Variants in EGLN1 observed in about 807,000 individuals in gnomAD.
The protein encoded by EGLN1 is egl-9 family hypoxia inducible factor 1, also known as egl nine homolog 1.
EGLN1 carries 17 observed loss-of-function variants against 38.3 expected under a neutral mutation model. The ratio of observed to expected loss-of-function variants is 0.44; its 90% confidence interval spans 0.30 to 0.67. The LOEUF is 0.67. EGLN1 is among the 30% of genes least tolerant of loss of function. The pLI, the probability that EGLN1 is intolerant of heterozygous loss-of-function variation, is 0.08. For synonymous variants in EGLN1, 283 were observed against 257.5 expected (o/e 1.10, Z -0.95); for missense variants, 477 against 603.3 (o/e 0.79, Z 2.19).
At chr1:231,380,133 G>A (rs203747) in intron 1 of EGLN1, among the ~76,000 whole-genome samples, 1,689 of 152,212 alleles carry the variant, frequency 0.011, 30 homozygotes, top group African/African-American at 0.039. Flanking sequence ...AGCTGAAGCC[G>A]TGTGCCTGCC....
rs1687625904 is a variant in EGLN1, at chr1:231,365,640, A to C, written c.*771T>G. The C allele has an allele frequency of 6.6e-6, 1 of 151,886 alleles. No individual in the cohort carries two copies. The highest frequency in any genetic ancestry group is 2.4e-5 in the African/African-American group (1 of 41,058). The allele number at this position is 151,886 out of a possible 1,614,324, so 9.4% of individuals were successfully genotyped here. On this transcript the variant is annotated 3_prime_UTR_variant, in exon 5 of 5. Transcript: ENST00000366641. Reference sequence around the variant, plus strand: ...GTAACAGAGCAAGACTGTCTCAAAAAAACAAAACAAAACAAAAAAATTTAA... The same window carrying C: ...GTAACAGAGCAAGACTGTCTCAAAACAACAAAACAAAACAAAAAAATTTAA...
At chr1:231,404,121 G>A (rs555805537) in intron 1 of EGLN1, among the ~76,000 whole-genome samples, 1 of 152,172 alleles carries the variant, frequency 6.6e-6, no homozygotes, top group Non-Finnish European at 1.5e-5. Context: ...AGTTTTGACT[G>A]TTAAAAATGT....
At chr1:231,419,542 GTGACAATTTCTTAAAGTTGTGCCC>G (rs1181628706) in intron 1 of EGLN1, among the ~76,000 whole-genome samples, 14 of 152,112 alleles carry the variant, frequency 9.2e-5, no homozygotes, top group African/African-American at 3.1e-4. Context: ...ATGTTCAGAT[GTGACAATTTCTTAAAGTTGTGCCC>G]TGACAACTTT....
chr1:231,416,426 C>CAA (rs35250338), intron 1 of EGLN1, among the ~76,000 whole-genome samples: 2 of 147,654 alleles, frequency 1.4e-5, no homozygotes, highest in African/African-American at 5.0e-5. Flanking sequence ...TACATACATA[C>CAA]AAAAAAAAAA....
intron 1 of EGLN1, among the ~76,000 whole-genome samples, chr1:231,416,131 G>A (rs955704378): frequency 3.3e-5 from 5 of 152,044 alleles, no homozygotes; most frequent in East Asian, 1.9e-4. Flanking sequence ...GGTAACAGGC[G>A]TGAGCCACCG....
intron 1 of EGLN1, among the ~76,000 whole-genome samples, chr1:231,402,699 T>G (rs566985240): frequency 4.1e-4 from 63 of 152,190 alleles, no homozygotes; most frequent in Non-Finnish European, 5.6e-4. Flanking sequence ...CCTCCCAAAG[T>G]TCTGGGATTA....
intron 1 of EGLN1, among the ~76,000 whole-genome samples, chr1:231,406,484 G>T (rs1688799289): frequency 6.6e-6 from 1 of 151,834 alleles, no homozygotes; most frequent in Non-Finnish European, 1.5e-5. Context: ...ACTTTGTTTT[G>T]TTCTATAGCC....
rs1396159428 is a variant in EGLN1 at position 231,365,797 on chromosome 1, A to G, written c.*614T>C. 6.5e-6 allele frequency: 1 copy of G among 153,136 alleles called. No homozygotes were observed. Among genetic ancestry groups the G allele is most frequent in the Non-Finnish European group, 1.5e-5 (1 of 68,426 alleles). The allele number at this position is 153,136 out of a possible 1,614,324, so 9.5% of individuals were successfully genotyped here. On this transcript the variant is annotated 3_prime_UTR_variant, in exon 5 of 5. Coordinates refer to ENST00000366641, the MANE Select transcript of EGLN1 (RefSeq NM_022051.3). ...GCAGCAATCTTTAACAGTTCAAATTAGTGTAAGGAAGGACTACAAAACAAT... is the reference window on the plus strand; with the variant it reads ...GCAGCAATCTTTAACAGTTCAAATTGGTGTAAGGAAGGACTACAAAACAAT...
At position 231,421,064 on chromosome 1, in the gene EGLN1, G is replaced by T. The variant is rs771660894; in HGVS notation, c.825C>A (p.Ser275Arg). Residue 275 changes from serine (S) to arginine (R), a missense_variant, in exon 1 of 5, where the codon AGC becomes AGA. Around this residue, in one of 4 missense-constraint regions of EGLN1, gnomAD observed 119 missense variants for 179.0 expected, o/e 0.66. Coordinates refer to ENST00000366641, the MANE Select transcript of EGLN1 (RefSeq NM_022051.3). The surrounding 1 kb of genome is among the most constrained non-coding windows in gnomAD (Gnocchi z 5.5). ...TACAGTGGCGTATCAGGTCGTCCAT[G>T]CTGCTCATGAGCAGCCCAATGGTTT... is the stretch of plus-strand genomic sequence containing the variant. ...GCETIGLLMS[S>R]MDDLIRHCNG... 2 of 1,614,042 alleles carry T rather than the reference G, an allele frequency of 1.2e-6. No homozygotes were observed. Among genetic ancestry groups the T allele is most frequent in the Non-Finnish European group, 1.7e-6 (2 of 1,180,038 alleles).
chr1:231,408,249 G>C (rs1688844252), intron 1 of EGLN1, among the ~76,000 whole-genome samples: 2 of 152,164 alleles, frequency 1.3e-5, no homozygotes, highest in South Asian at 4.1e-4. Context: ...CTGCATTGCT[G>C]GGGAGGAGTG....
intron 1 of EGLN1, among the ~76,000 whole-genome samples, chr1:231,378,707 TA>T (rs1418301759): frequency 7.2e-5 from 11 of 152,222 alleles, no homozygotes; most frequent in Non-Finnish European, 1.6e-4. Flanking sequence ...CATTTATTTC[TA>T]GCATTAGAAG....
chr1:231,368,596 T>C (rs1687724906), intron 3 of EGLN1, among the ~76,000 whole-genome samples: 1 of 152,160 alleles, frequency 6.6e-6, no homozygotes, highest in Non-Finnish European at 1.5e-5. Context: ...GTATAAACGC[T>C]ATAGGAAGTG....
At chr1:231,392,095 G>A (rs569896602) in intron 1 of EGLN1, among the ~76,000 whole-genome samples, 47 of 152,196 alleles carry the variant, frequency 3.1e-4, no homozygotes, top group African/African-American at 1.1e-3. Context: ...AGACCATCCT[G>A]GCTAACATGG....
At chr1:231,407,936 A>C (rs1688837429) in intron 1 of EGLN1, among the ~76,000 whole-genome samples, 1 of 152,118 alleles carries the variant, frequency 6.6e-6, no homozygotes, top group Non-Finnish European at 1.5e-5. Context: ...AGTTTTAGAA[A>C]TCGGATGGAA....
chr1:231,399,433 G>C (rs576701216), intron 1 of EGLN1, among the ~76,000 whole-genome samples: 35 of 152,160 alleles, frequency 2.3e-4, no homozygotes, highest in Non-Finnish European at 5.1e-4. Flanking sequence ...ATATAGAGAA[G>C]AATGTTGACA....
At chr1:231,398,286 G>A (rs567902033) in intron 1 of EGLN1, among the ~76,000 whole-genome samples, 1 of 152,332 alleles carries the variant, frequency 6.6e-6, no homozygotes, top group African/African-American at 2.4e-5. Context: ...AGGAAGGGAA[G>A]GGTCAGCAAA....
Position 231,393,071 on chromosome 1 carries a change from CTGTA to C in EGLN1, c.892-18976_892-18973del, listed in dbSNP as rs561161222. 2.0e-3 allele frequency among the ~76,000 whole-genome samples: 306 copies of C among 152,344 alleles called. 1 individual carries two copies. Among genetic ancestry groups the C allele is most frequent in the Non-Finnish European group, 3.7e-3 (253 of 68,032 alleles). On this transcript the variant is annotated intron_variant, in intron 1 of 4. Coordinates refer to ENST00000366641, the MANE Select transcript of EGLN1 (RefSeq NM_022051.3). ...CCCTTGGTAAAGAGCAGCTCTCTTT[CTGTA>C]TGTATCTCCATGATGTAATGCTGAA...
intron 1 of EGLN1, among the ~76,000 whole-genome samples, chr1:231,405,172 T>TAAAA (rs1688755007): frequency 6.6e-6 from 1 of 152,128 alleles, no homozygotes; most frequent in Non-Finnish European, 1.5e-5. Flanking sequence ...TTTATTTTAT[T>TAAAA]TATATTTATT....
In EGLN1 at chr1:231,420,863, G is replaced by C. The variant is rs1056542420; in HGVS notation, c.891+135C>G. 1.2e-5 allele frequency: 18 copies of C among 1,551,592 alleles called. 1 individual carries two copies. Among genetic ancestry groups the C allele is most frequent in the Middle Eastern group, 2.2e-4 (1 of 4,532 alleles). On this transcript the variant is annotated intron_variant, in intron 1 of 4. Transcript: ENST00000366641. ...TACAAATTCTGTCCGTCTTCCTTAC[G>C]GGGAGCTACACAAGAAAGAGCGAGT...
Sources: allele counts gnomAD v4.1 joint callset (sites outside exome capture counted in the v4.1 genomes callset), GRCh38; gene constraint gnomAD v4.1.1; regional missense constraint gnomAD v4.1.1; non-coding constraint Gnocchi (gnomAD v3.1); transcripts MANE v1.5; gene names NCBI Gene and HGNC (gene_info 2026-07-23, HGNC 2026-07-21).